NRG3: variants seen among roughly 807,000 people sequenced by gnomAD.
NRG3 encodes the protein pro-neuregulin-3, membrane-bound isoform.
Under a neutral mutation model 66.9 loss-of-function variants are expected in NRG3, and 31 were observed. That is an observed-to-expected ratio of 0.46 (90% CI 0.35 to 0.63). The LOEUF (loss-of-function observed/expected upper bound fraction) is 0.63, where lower values mean the gene tolerates loss of function less well. Among genes scored for constraint, NRG3 ranks in the 20% least tolerant of loss-of-function variants. The probability of loss-of-function intolerance (pLI) is 0.00; values close to 1 mark genes in which losing one functional copy is unlikely to be tolerated. For missense variants in NRG3, 910 were observed against 878.9 expected (o/e 1.04, Z -0.45); for synonymous variants, 393 against 359.4 (o/e 1.09, Z -1.06).
In NRG3 at chr10:82,099,657, G is replaced by A. The variant is rs1353347274; in HGVS notation, c.823+223494G>A. On this transcript the variant is annotated intron_variant, in intron 1 of 8. Coordinates refer to ENST00000372141, the MANE Select transcript of NRG3 (RefSeq NM_001010848.4). ...TGTAGACTCTATTGATCAATTTTTAGGAACATTGATATCTTATTAATATTG... is the reference window on the plus strand; with the variant it reads ...TGTAGACTCTATTGATCAATTTTTAAGAACATTGATATCTTATTAATATTG... Among the ~76,000 whole-genome samples the A allele has an allele frequency of 2.0e-5, 3 of 151,784 alleles. 1 individual carries two copies. Among genetic ancestry groups the A allele is most frequent in the African/African-American group, 4.8e-5 (2 of 41,266 alleles).
intron 2 of NRG3, among the ~76,000 whole-genome samples, chr10:82,682,639 A>G (rs534122425): frequency 5.9e-5 from 9 of 152,308 alleles, no homozygotes; most frequent in African/African-American, 2.2e-4. Context: ...AATTATGTTT[A>G]AGAGAAAAGT....
intron 1 of NRG3, among the ~76,000 whole-genome samples, chr10:82,274,918 A>G (rs897680226): frequency 4.0e-5 from 6 of 151,846 alleles, no homozygotes; most frequent in Admixed American, 2.0e-4. Context: ...GAGCTGCCCA[A>G]TTCCAAACTT....
At chr10:82,528,756 C>T (rs968201337) in intron 2 of NRG3, among the ~76,000 whole-genome samples, 4 of 151,954 alleles carry the variant, frequency 2.6e-5, no homozygotes, top group Non-Finnish European at 5.9e-5. Context: ...AGAAGATTGG[C>T]TTTTTTCTAT....
chr10:82,434,305 T>C lies in NRG3; in HGVS notation c.953+75437T>C, dbSNP rs189917248. On this transcript the variant is annotated intron_variant, in intron 2 of 8. Coordinates refer to ENST00000372141, the MANE Select transcript of NRG3 (RefSeq NM_001010848.4). The stretch of plus-strand genomic sequence containing the variant: ...ATTTTTGCACATTGATTTTGTATCC[T>C]GAGACTTTGCTGAAGTTGCTTATCA... Among the ~76,000 whole-genome samples the C allele has an allele frequency of 2.3e-4, 35 of 152,246 alleles. 1 individual carries two copies. The Middle Eastern group carries it at 0.027, about 118-fold the overall frequency.
intron 2 of NRG3, among the ~76,000 whole-genome samples, chr10:82,463,224 C>T (rs1262458765): frequency 1.3e-5 from 2 of 152,206 alleles, no homozygotes; most frequent in Non-Finnish European, 2.9e-5. Context: ...TCATCTTTCA[C>T]ATGGCAGATG....
chr10:82,199,001 A>C (rs1238533534), intron 1 of NRG3, among the ~76,000 whole-genome samples: 1 of 150,128 alleles, frequency 6.7e-6, no homozygotes, highest in Admixed American at 6.6e-5. Flanking sequence ...CATCTAAAAA[A>C]AAAAAAAAAG....
chr10:82,793,121 C>T (rs34591289), intron 3 of NRG3, among the ~76,000 whole-genome samples: 25,866 of 151,900 alleles, frequency 0.17, 2,248 homozygotes, highest in South Asian at 0.26. Context: ...CTGAAACATT[C>T]GTCTGTAAGT....
At chr10:82,039,759 G>A (rs920580098) in intron 1 of NRG3, among the ~76,000 whole-genome samples, 3 of 152,010 alleles carry the variant, frequency 2.0e-5, no homozygotes, top group Non-Finnish European at 4.4e-5. Context: ...TAGGAAGACT[G>A]GAAAATAAGT....
chr10:82,340,904 G>A (rs920292048), intron 1 of NRG3: 3 of 152,108 alleles, frequency 2.0e-5, no homozygotes, highest in African/African-American at 7.2e-5. Flanking sequence ...AAAAAAATTA[G>A]AAAATGTAAG....
chr10:82,174,474 C>G (rs1426037154), intron 1 of NRG3, among the ~76,000 whole-genome samples: 1 of 152,026 alleles, frequency 6.6e-6, no homozygotes, highest in South Asian at 2.1e-4. Context: ...TTGCCTGGCC[C>G]TTCGCTCTGA....
intron 1 of NRG3, among the ~76,000 whole-genome samples, chr10:82,127,484 G>T (rs1219863324): frequency 6.6e-6 from 1 of 151,888 alleles, no homozygotes; most frequent in East Asian, 1.9e-4. Flanking sequence ...TTGAGAAGTT[G>T]GTTCTCTCTC....
intron 1 of NRG3, among the ~76,000 whole-genome samples, chr10:82,319,340 T>C (rs775643696): frequency 6.6e-6 from 1 of 152,202 alleles, no homozygotes; most frequent in Non-Finnish European, 1.5e-5. Flanking sequence ...GCTTACATTT[T>C]GTCTTCAGAT....
At chr10:81,912,094 T>C (rs1003426729) in intron 1 of NRG3, among the ~76,000 whole-genome samples, 1 of 152,190 alleles carries the variant, frequency 6.6e-6, no homozygotes, top group Non-Finnish European at 1.5e-5. Context: ...GATACTTCTT[T>C]TTCTTTTTCC....
At chr10:81,949,781 G>A (rs1849167892) in intron 1 of NRG3, among the ~76,000 whole-genome samples, 1 of 152,100 alleles carries the variant, frequency 6.6e-6, no homozygotes, top group African/African-American at 2.4e-5. Context: ...TTTCACTTGT[G>A]GAGATATTCA....
intron 2 of NRG3, among the ~76,000 whole-genome samples, chr10:82,668,704 C>T (rs541988796): frequency 2.6e-5 from 4 of 152,128 alleles, no homozygotes; most frequent in Admixed American, 6.5e-5. Context: ...GCAGCTGTTG[C>T]GTCCACTGAA....
intron 1 of NRG3, among the ~76,000 whole-genome samples, chr10:82,017,436 T>A (rs2061837401): frequency 6.6e-6 from 1 of 152,206 alleles, no homozygotes; most frequent in African/African-American, 2.4e-5. Context: ...TGATTTATAG[T>A]CCTTTGGGTA....
At chr10:82,067,758 T>C (rs1589984778) in intron 1 of NRG3, among the ~76,000 whole-genome samples, 1 of 152,030 alleles carries the variant, frequency 6.6e-6, no homozygotes, top group Admixed American at 6.6e-5. Flanking sequence ...TGACACAGAG[T>C]GGTGGAAGGG....
chr10:82,519,807 C>T (rs560153478), intron 2 of NRG3, among the ~76,000 whole-genome samples: 7 of 152,138 alleles, frequency 4.6e-5, no homozygotes, highest in East Asian at 3.9e-4. Context: ...ACAGGTAAGA[C>T]GCAACCAAAC....
chr10:82,097,100 T>C (rs1182243427), intron 1 of NRG3, among the ~76,000 whole-genome samples: 1 of 152,080 alleles, frequency 6.6e-6, no homozygotes, highest in Non-Finnish European at 1.5e-5. Flanking sequence ...TTAATTCCTC[T>C]CTTTTTTCAA....
Sources: allele counts gnomAD v4.1 joint callset (sites outside exome capture counted in the v4.1 genomes callset), GRCh38; gene constraint gnomAD v4.1.1; transcripts MANE v1.5; gene names NCBI Gene and HGNC (gene_info 2026-07-23, HGNC 2026-07-21).